Variants in CAMTA1 observed in about 807,000 individuals in gnomAD.
CAMTA1 encodes calmodulin-binding transcription activator 1.
Under a neutral mutation model 170.9 loss-of-function variants are expected in CAMTA1, and 27 were observed. The ratio of observed to expected loss-of-function variants is 0.16; its 90% CI spans 0.12 to 0.22. CAMTA1 has a LOEUF of 0.22. CAMTA1 is among the 10% of genes least tolerant of loss of function. CAMTA1 has a pLI of 1.00. For missense variants in CAMTA1, 1,619 were observed against 2,217.2 expected, an observed-to-expected ratio of 0.73 and a Z score of 5.42; for synonymous variants, 833 against 891.5, an observed-to-expected ratio of 0.93 and a Z score of 1.17.
intron 5 of CAMTA1, among the ~76,000 whole-genome samples, chr1:7,337,395 G>T (rs936109609): frequency 6.6e-6 from 1 of 152,240 alleles, no homozygotes; most frequent in Admixed American, 6.5e-5. Context: ...CAGTCCCGAT[G>T]TCTCTGTGAA....
intron 8 of CAMTA1, among the ~76,000 whole-genome samples, chr1:7,662,730 T>TG (rs1319786028): frequency 6.6e-6 from 1 of 152,146 alleles, no homozygotes; most frequent in Non-Finnish European, 1.5e-5. Flanking sequence ...CCCAGAGAGC[T>TG]GAGGGTAGGC....
rs1451276232 is a variant in CAMTA1 at position 7,628,237 on chromosome 1, C to T, written c.511-12163C>T. ...GCACTAGATTTCATTCTCCCAGGTT[C>T]GAGTTCAGCAGGAAAGAGCACCCCT... On this transcript the variant is annotated intron_variant, in intron 6 of 22. Transcript: ENST00000303635. 5.3e-5 allele frequency among the ~76,000 whole-genome samples: 8 copies of T among 152,294 alleles called. No homozygotes were observed. In the East Asian group the frequency reaches 9.7e-4, roughly 18 times the overall value.
rs772717850 is a variant in CAMTA1, at chr1:7,064,484, G to T, written c.235-26820G>T. Among the ~76,000 whole-genome samples, 2 of 152,152 alleles carry T rather than the reference G, an allele frequency of 1.3e-5. No individual in the cohort carries two copies. The highest frequency in any genetic ancestry group is 2.9e-5 in the Non-Finnish European group (2 of 68,028). Reference sequence around the variant, plus strand: ...GTAAATAGATAAAGCGAATTTCCCTGGTGGGAAGTGCTGCAGAGGAAGAAG... The same window carrying T: ...GTAAATAGATAAAGCGAATTTCCCTTGTGGGAAGTGCTGCAGAGGAAGAAG... On this transcript the variant is annotated intron_variant, in intron 3 of 22. Transcript: ENST00000303635. This position sits in a 1 kb window ranked among gnomAD's most constrained non-coding sequence, Gnocchi z 5.4.
At chr1:6,880,386 T>C (rs959233959) in intron 3 of CAMTA1, among the ~76,000 whole-genome samples, 1 of 140,076 alleles carries the variant, frequency 7.1e-6, no homozygotes, top group African/African-American at 2.8e-5. Flanking sequence ...TAAAAGTGTT[T>C]TTTTTTTTTT....
intron 3 of CAMTA1, among the ~76,000 whole-genome samples, chr1:6,907,342 G>A (rs1041475537): frequency 3.9e-5 from 6 of 152,192 alleles, no homozygotes; most frequent in African/African-American, 1.4e-4. Flanking sequence ...CGAACTTGCA[G>A]TCTCAGCAGC....
intron 3 of CAMTA1, among the ~76,000 whole-genome samples, chr1:6,937,433 CCAT>C (rs796219800): frequency 3.6e-4 from 1 of 2,804 alleles, no homozygotes; most frequent in African/African-American, 9.6e-4. Flanking sequence ...ACCATCATCA[CCAT>C]CATCATCACC....
At chr1:7,348,108 G>A (rs1323099130) in intron 5 of CAMTA1, among the ~76,000 whole-genome samples, 2 of 152,102 alleles carry the variant, frequency 1.3e-5, no homozygotes, top group African/African-American at 4.8e-5. Context: ...CAGGGCCTCT[G>A]GTGTCTCTGC....
intron 6 of CAMTA1, among the ~76,000 whole-genome samples, chr1:7,575,650 A>G (rs1481685728): frequency 6.6e-6 from 1 of 152,254 alleles, no homozygotes. Context: ...TTTAAATAAC[A>G]TGTATCAAGG....
chr1:7,560,152 T>G (rs1037549416), intron 6 of CAMTA1, among the ~76,000 whole-genome samples: 12 of 152,208 alleles, frequency 7.9e-5, no homozygotes, highest in African/African-American at 2.7e-4. Flanking sequence ...GTTCCTATCC[T>G]TGTCCCTGGT....
chr1:6,880,811 C>G (rs768372075), intron 3 of CAMTA1, among the ~76,000 whole-genome samples: 49 of 152,020 alleles, frequency 3.2e-4, no homozygotes, highest in Non-Finnish European at 5.6e-4. Context: ...TCAATAAATA[C>G]TTATTGAATA....
intron 7 of CAMTA1, among the ~76,000 whole-genome samples, chr1:7,654,739 C>CGT (rs2095870243): frequency 1.1e-5 from 1 of 93,708 alleles, no homozygotes; most frequent in Non-Finnish European, 2.1e-5. Context: ...ACCCACACAC[C>CGT]TATACACACA....
chr1:7,513,230 C>T (rs1444958250), intron 6 of CAMTA1, among the ~76,000 whole-genome samples: 2 of 152,120 alleles, frequency 1.3e-5, no homozygotes, highest in Non-Finnish European at 2.9e-5. Flanking sequence ...AAGCCACCGG[C>T]CTGCCAGATG....
chr1:7,492,848 C>T (rs2093740184), intron 6 of CAMTA1, among the ~76,000 whole-genome samples: 1 of 149,496 alleles, frequency 6.7e-6, no homozygotes, highest in Non-Finnish European at 1.5e-5. Flanking sequence ...CGCACACGCA[C>T]AAACACAAAC....
chr1:7,630,116 G>T (rs1013112924), intron 6 of CAMTA1, among the ~76,000 whole-genome samples: 3 of 152,148 alleles, frequency 2.0e-5, no homozygotes, highest in African/African-American at 7.2e-5. Flanking sequence ...GGGCCCCCAC[G>T]CATACGTGCT....
chr1:7,561,434 C>T lies in CAMTA1; in HGVS notation c.511-78966C>T, dbSNP rs1230715272. Among the ~76,000 whole-genome samples, 2 of 151,732 alleles carry T rather than the reference C, an allele frequency of 1.3e-5. No homozygotes were observed. Among genetic ancestry groups the T allele is most frequent in the Non-Finnish European group, 2.9e-5 (2 of 67,894 alleles). ...GCCTCCTCTTGGGAGTCACATGGCC[C>T]CTGAGGGCATGGGACTCTCCCTGCT... On this transcript the variant is annotated intron_variant, in intron 6 of 22. Transcript: ENST00000303635. The surrounding 1 kb of genome is among the most constrained non-coding windows in gnomAD (Gnocchi z 5.3).
intron 11 of CAMTA1, among the ~76,000 whole-genome samples, chr1:7,729,134 T>TTTTA (rs2096713706): frequency 6.6e-6 from 1 of 151,666 alleles, no homozygotes; most frequent in Non-Finnish European, 1.5e-5. Context: ...CTTTTTTTTT[T>TTTTA]GAGACAGAGT....
chr1:7,676,007 C>A (rs778113232), intron 10 of CAMTA1, among the ~76,000 whole-genome samples: 1 of 152,238 alleles, frequency 6.6e-6, no homozygotes, highest in African/African-American at 2.4e-5. Flanking sequence ...GCCATCCCCC[C>A]CGACCCCAAG....
chr1:6,937,158 C>T (rs896343218), intron 3 of CAMTA1, among the ~76,000 whole-genome samples: 13 of 150,190 alleles, frequency 8.7e-5, no homozygotes, highest in African/African-American at 2.4e-4. Flanking sequence ...CCATCATCAC[C>T]GTCATCACCA....
At position 7,680,869 on chromosome 1, in the gene CAMTA1, A is replaced by AGCAGCAGCAGCAGCT. The variant is rs2096193511; in HGVS notation, c.2914+3139_2914+3153dup. 8.3e-6 allele frequency among the ~76,000 whole-genome samples: 1 copy of AGCAGCAGCAGCAGCT among 119,980 alleles called. No individual in the cohort carries two copies. The highest frequency in any genetic ancestry group is 2.7e-4 in the South Asian group (1 of 3,764). The allele number at this position is 119,980 out of a possible 152,430, so 78.7% of individuals were successfully genotyped here. On this transcript the variant is annotated intron_variant, in intron 11 of 22. Transcript: ENST00000303635. This position sits in a 1 kb window ranked among gnomAD's most constrained non-coding sequence, Gnocchi z 4.4. ...GCGCGCGCGCGCGCGCGCCAGCAGC[A>AGCAGCAGCAGCAGCT]GCAGCAGCAGCAGCTGCTGCGGCGA...
Sources: allele counts gnomAD v4.1 joint callset (sites outside exome capture counted in the v4.1 genomes callset), GRCh38; gene constraint gnomAD v4.1.1; non-coding constraint Gnocchi (gnomAD v3.1); transcripts MANE v1.5; gene names NCBI Gene and HGNC (gene_info 2026-07-23, HGNC 2026-07-21).